TRAPPC9: variants seen among roughly 807,000 people sequenced by gnomAD.
The protein encoded by TRAPPC9 is trafficking protein particle complex subunit 9.
A neutral mutation model predicts 124.0 loss-of-function variants in TRAPPC9; 83 were observed. The observed-to-expected ratio is 0.67, with a 90% confidence interval of 0.56 to 0.80. TRAPPC9 has a LOEUF of 0.80. TRAPPC9 is among the 30% of genes least tolerant of loss of function. TRAPPC9 has a pLI of 0.00. For missense variants in TRAPPC9, 1,302 were observed against 1,508.3 expected, an observed-to-expected ratio of 0.86 and a Z score of 2.27; for synonymous variants, 638 against 617.5, an observed-to-expected ratio of 1.03 and a Z score of -0.49.
At chr8:140,176,018 C>G (rs1267500381) in intron 17 of TRAPPC9, among the ~76,000 whole-genome samples, 1 of 152,092 alleles carries the variant, frequency 6.6e-6, no homozygotes, top group Non-Finnish European at 1.5e-5. Flanking sequence ...ATGGAAGAGA[C>G]AGGGAAGGAA....
At chr8:140,371,264 A>G in intron 7 of TRAPPC9, 84 bp from the exon 8 acceptor site, 1 of 1,319,090 alleles carries the variant, frequency 7.6e-7, no homozygotes, top group South Asian at 1.3e-5. Flanking sequence ...GTCTCTTCAT[A>G]AAACAAAGAC....
rs935711466 is a variant in TRAPPC9, at chr8:140,224,975, C to T, written c.2432-3392G>A. ...CCTGGCTGAATGAACTTCATCAAGTCAAATAACCTTCTACAAGCTTTAAAT... is the reference window on the plus strand; with the variant it reads ...CCTGGCTGAATGAACTTCATCAAGTTAAATAACCTTCTACAAGCTTTAAAT... On this transcript the variant is annotated intron_variant, in intron 16 of 22. Transcript: ENST00000438773. Among the ~76,000 whole-genome samples, 3 of 152,158 alleles carry T rather than the reference C, an allele frequency of 2.0e-5. No homozygotes were observed. The East Asian group carries it at 5.8e-4, about 29-fold the overall frequency.
chr8:139,871,122 C>T (rs535342733), intron 21 of TRAPPC9, among the ~76,000 whole-genome samples: 2 of 152,290 alleles, frequency 1.3e-5, no homozygotes, highest in South Asian at 4.1e-4. Flanking sequence ...AATTTAAATG[C>T]CAGCAAAGTC....
chr8:140,025,565 C>CAAAAAAAAAAAAAAAAAAA (rs11329773), intron 17 of TRAPPC9, among the ~76,000 whole-genome samples: 2 of 123,846 alleles, frequency 1.6e-5, no homozygotes, highest in Admixed American at 8.1e-5. Flanking sequence ...AAGCAAAATG[C>CAAAAAAAAAAAAAAAAAAA]AAAAAAAAAA....
chr8:139,963,749 CAAAAAAAAAAA>C (rs58224556), intron 19 of TRAPPC9, among the ~76,000 whole-genome samples: 3 of 107,372 alleles, frequency 2.8e-5, no homozygotes, highest in Admixed American at 9.9e-5. Flanking sequence ...CCAGTTCTAC[CAAAAAAAAAAA>C]AAAAAAAAAA....
At chr8:140,437,017 G>A (rs1564023097) in intron 3 of TRAPPC9, among the ~76,000 whole-genome samples, 1 of 152,104 alleles carries the variant, frequency 6.6e-6, no homozygotes, top group African/African-American at 2.4e-5. Flanking sequence ...AGGATGGAGT[G>A]CAGTGGTGCG....
At chr8:140,368,201 G>A (rs934038913) in intron 8 of TRAPPC9, among the ~76,000 whole-genome samples, 3 of 152,168 alleles carry the variant, frequency 2.0e-5, no homozygotes, top group Admixed American at 6.5e-5. Flanking sequence ...TGTCTTAGCC[G>A]TTGTGATGAT....
intron 19 of TRAPPC9, among the ~76,000 whole-genome samples, chr8:139,935,471 C>A (rs1239777227): frequency 6.6e-6 from 1 of 152,180 alleles, no homozygotes; most frequent in East Asian, 1.9e-4. Flanking sequence ...ACTGCGTGTG[C>A]AGACAGTCCC....
chr8:140,086,279 G>A (rs1844180292), intron 17 of TRAPPC9, among the ~76,000 whole-genome samples: 1 of 152,184 alleles, frequency 6.6e-6, no homozygotes, highest in African/African-American at 2.4e-5. Flanking sequence ...GGTGGGAGAG[G>A]AAGAAGGACA....
intron 18 of TRAPPC9, among the ~76,000 whole-genome samples, chr8:140,020,710 T>A (rs546928753): frequency 1.3e-5 from 2 of 152,356 alleles, no homozygotes; most frequent in South Asian, 4.1e-4. Context: ...GTTACTAATT[T>A]TTTTGTCTAC....
At chr8:139,869,093 C>G (rs1828731700) in intron 21 of TRAPPC9, among the ~76,000 whole-genome samples, 1 of 152,136 alleles carries the variant, frequency 6.6e-6, no homozygotes, top group Non-Finnish European at 1.5e-5. Context: ...ATAACCAAGA[C>G]CAAACATTTA....
intron 16 of TRAPPC9, among the ~76,000 whole-genome samples, chr8:140,239,291 C>G (rs771331296): frequency 6.6e-6 from 1 of 152,138 alleles, no homozygotes; most frequent in South Asian, 2.1e-4. Context: ...CACATGAGGA[C>G]GTCTGGAGAG....
chr8:139,889,999 T>C (rs1193577942), intron 20 of TRAPPC9, among the ~76,000 whole-genome samples: 1 of 152,212 alleles, frequency 6.6e-6, no homozygotes, highest in African/African-American at 2.4e-5. Flanking sequence ...CAGCTGGGGA[T>C]CGGGGTCCTG....
intron 13 of TRAPPC9, among the ~76,000 whole-genome samples, chr8:140,286,759 G>C (rs2094753784): frequency 6.6e-6 from 1 of 152,166 alleles, no homozygotes; most frequent in South Asian, 2.1e-4. Context: ...GCTGGGAAGG[G>C]CTGGAGGTGC....
chr8:139,861,895 G>C (rs1201819148), intron 21 of TRAPPC9, among the ~76,000 whole-genome samples: 1 of 134,862 alleles, frequency 7.4e-6, no homozygotes, highest in Non-Finnish European at 1.6e-5. Context: ...GGTAGACCAA[G>C]GGTGAAATGG....
At chr8:140,388,819 C>T (rs573178157) in intron 7 of TRAPPC9, among the ~76,000 whole-genome samples, 2 of 143,572 alleles carry the variant, frequency 1.4e-5, no homozygotes, top group Non-Finnish European at 3.0e-5. Flanking sequence ...TTGCACACTC[C>T]AGCCTGAACA....
At chr8:140,046,980 G>A (rs1159704111) in intron 17 of TRAPPC9, among the ~76,000 whole-genome samples, 2 of 152,200 alleles carry the variant, frequency 1.3e-5, no homozygotes, top group South Asian at 2.1e-4. Flanking sequence ...AGCCTAGAAA[G>A]GTTCCCGTGG....
chr8:139,798,499 C>T (rs1823255992), intron 21 of TRAPPC9, among the ~76,000 whole-genome samples: 1 of 152,204 alleles, frequency 6.6e-6, no homozygotes, highest in South Asian at 2.1e-4. Context: ...GGGACCTGAG[C>T]AATGGCTGTG....
In TRAPPC9 at chr8:140,446,293, C is replaced by CAAAAAA. The variant is rs59393001; in HGVS notation, c.584+4491_584+4496dup. Among the ~76,000 whole-genome samples the CAAAAAA allele has an allele frequency of 1.6e-3, 172 of 110,042 alleles. 19 individuals are homozygous for CAAAAAA. The highest frequency in any genetic ancestry group is 5.0e-3 in the Middle Eastern group (1 of 202). 72.2% of individuals were successfully genotyped at this position (110,042 alleles called of 152,430 possible). ...TGGGCGAAAGAGTAAGACTCTGTCT[C>CAAAAAA]AAAAAAAAAAAAAAAAAAAGCAGAC... On this transcript the variant is annotated intron_variant, in intron 2 of 22. Coordinates refer to ENST00000438773, the MANE Select transcript of TRAPPC9 (RefSeq NM_001160372.4).
Sources: gnomAD v4.1 joint callset for allele counts (sites outside exome capture counted in the v4.1 genomes callset) on GRCh38, gnomAD v4.1.1 for gene constraint, MANE v1.5 for transcripts, NCBI Gene and HGNC (gene_info 2026-07-23, HGNC 2026-07-21) for gene names.